TPR: variants seen among roughly 807,000 people sequenced by gnomAD.
TPR encodes the protein translocated promoter region, nuclear basket protein.
In TPR, 51 loss-of-function variants were observed where a neutral mutation model predicts 316.1. That is an observed-to-expected ratio of 0.16 (90% CI 0.13 to 0.20). TPR has a LOEUF of 0.20. Ranked by LOEUF, TPR falls within the 10% of genes least tolerant of loss-of-function variation. TPR has a pLI of 1.00. For synonymous variants in TPR, 981 were observed against 914.7 expected, an observed-to-expected ratio of 1.07 and a Z score of -1.31; for missense variants, 2,272 against 2,754.8, an observed-to-expected ratio of 0.82 and a Z score of 3.92.
At chr1:186,357,985 AC>A (rs1240302445) in intron 13 of TPR, among the ~76,000 whole-genome samples, 6 of 152,196 alleles carry the variant, frequency 3.9e-5, no homozygotes, top group African/African-American at 1.4e-4. Context: ...AGACATTTAA[AC>A]AAAAAGCATA....
At chr1:186,325,665 C>T (rs961997520) in intron 42 of TPR, 99 bp downstream of exon 42, 2 of 954,458 alleles carry the variant, frequency 2.1e-6, no homozygotes, top group African/African-American at 1.7e-5. Flanking sequence ...TCTCTTTTTA[C>T]CAATTCAATA....
chr1:186,341,338 T>C lies in TPR; in HGVS notation c.3802A>G (p.Thr1268Ala). The change falls in exon 28 of 51, where the codon ACA becomes GCA. Residue 1268 changes from threonine (T) to alanine (A), a missense_variant. Thr to Ala is a moderately conservative substitution (Grantham distance 58). Transcript: ENST00000367478. ...QHEELMKKTE[T>A]MNVVMETNKM... ...TTGGTCTCCATAACTACATTCATTG[T>C]TTCAGTTTTCTTCATCAGTTCTTCA... is the stretch of plus-strand genomic sequence containing the variant. 4 of 1,613,904 alleles carry C rather than the reference T, an allele frequency of 2.5e-6. No homozygotes were observed. The highest frequency in any genetic ancestry group is 3.4e-6 in the Non-Finnish European group (4 of 1,180,004).
intron 2 of TPR, among the ~76,000 whole-genome samples, chr1:186,371,961 A>G (rs1659542239): frequency 6.6e-6 from 1 of 152,140 alleles, no homozygotes; most frequent in Non-Finnish European, 1.5e-5. Flanking sequence ...AGCTGTATTC[A>G]GTCATTTTTC....
intron 40 of TPR, 90 bp from the exon 41 acceptor site, chr1:186,326,325 G>C: frequency 6.6e-7 from 1 of 1,518,060 alleles, no homozygotes; most frequent in South Asian, 1.2e-5. Flanking sequence ...AAATTTAAGT[G>C]ACTCATTAAT....
At chr1:186,318,695 C>CTGTTT (rs762103645) in intron 47 of TPR, 38 bp downstream of exon 47, 30 of 1,610,086 alleles carry the variant, frequency 1.9e-5, no homozygotes, top group Non-Finnish European at 2.5e-6. Flanking sequence ...TTCATTTTAC[C>CTGTTT]AATAAAACAG....
At chr1:186,373,534 ATTTC>A (rs1342767031) in intron 1 of TPR, 71 bp from the exon 2 acceptor site, 8 of 854,120 alleles carry the variant, frequency 9.4e-6, no homozygotes, top group African/African-American at 8.5e-5. Context: ...ACTGTTATTT[ATTTC>A]TAATAACCTT....
chr1:186,324,728 T>C (rs1036044999), intron 42 of TPR, among the ~76,000 whole-genome samples: 2 of 151,716 alleles, frequency 1.3e-5, no homozygotes, highest in East Asian at 3.9e-4. Flanking sequence ...TGTACTCAAA[T>C]CCATCCATTA....
At chr1:186,339,505 A>C (rs1658443359) in intron 30 of TPR, 137 bp downstream of exon 30, 1 of 549,940 alleles carries the variant, frequency 1.8e-6, no homozygotes, top group Non-Finnish European at 2.8e-6. Flanking sequence ...TCTACAAAGT[A>C]GATGGAAGTC....
intron 39 of TPR, 126 bp from the exon 40 acceptor site, chr1:186,327,786 TAA>T: frequency 1.2e-6 from 1 of 854,482 alleles, no homozygotes; most frequent in Non-Finnish European, 1.7e-6. Context: ...GCATTTAATT[TAA>T]TTTTTTTTTT....
At chr1:186,356,583 G>A in intron 14 of TPR, 134 bp from the exon 15 acceptor site, 2 of 842,342 alleles carry the variant, frequency 2.4e-6, no homozygotes, top group African/African-American at 1.7e-5. Context: ...TTTTTTTCAT[G>A]CTGAGTATTT....
intron 19 of TPR, 68 bp downstream of exon 19, chr1:186,351,908 G>C: frequency 6.6e-7 from 1 of 1,515,400 alleles, no homozygotes; most frequent in Non-Finnish European, 8.8e-7. Context: ...TAAGGAAATT[G>C]AGAGGATAAA....
At chr1:186,331,761 AG>A (rs1398077151) in intron 38 of TPR, among the ~76,000 whole-genome samples, 180 bp from the exon 39 acceptor site, 2 of 152,128 alleles carry the variant, frequency 1.3e-5, no homozygotes, top group Non-Finnish European at 2.9e-5. Context: ...ACACAAAGTA[AG>A]GTTTATGAAC....
At chr1:186,356,627 A>G (rs1659036738) in intron 14 of TPR, 178 bp from the exon 15 acceptor site, 1 of 571,292 alleles carries the variant, frequency 1.8e-6, no homozygotes, top group Admixed American at 3.2e-5. Flanking sequence ...ACCACACAGG[A>G]CTCAGGTACT....
chr1:186,345,743 C>T (rs754550167), intron 23 of TPR, 47 bp from the exon 24 acceptor site: 1 of 1,362,588 alleles, frequency 7.3e-7, no homozygotes, highest in Non-Finnish European at 1.0e-6. Flanking sequence ...TGCAAACTTA[C>T]TTGGAAAATA....
At chr1:186,351,853 C>A in intron 19 of TPR, 123 bp downstream of exon 19, 1 of 1,126,526 alleles carries the variant, frequency 8.9e-7, no homozygotes, top group Non-Finnish European at 1.2e-6. Flanking sequence ...CTGCAAAATT[C>A]AATGATCATA....
intron 37 of TPR, 21 bp from the exon 38 acceptor site, chr1:186,332,364 T>C: frequency 6.2e-7 from 1 of 1,609,670 alleles, no homozygotes; most frequent in African/African-American, 1.3e-5. Flanking sequence ...ATATAAATCT[T>C]GAATTAGAGC....
At chr1:186,324,877 C>A (rs1475805297) in intron 42 of TPR, among the ~76,000 whole-genome samples, 1 of 152,076 alleles carries the variant, frequency 6.6e-6, no homozygotes, top group Non-Finnish European at 1.5e-5. Flanking sequence ...TATATTTCAA[C>A]TACGTGATAC....
At position 186,371,934 on chromosome 1, in the gene TPR, C is replaced by G. The variant is rs148385530; in HGVS notation, c.257-891G>C. Among the ~76,000 whole-genome samples the G allele has an allele frequency of 1.5e-4, 23 of 152,270 alleles. No individual in the cohort carries two copies. The East Asian group carries it at 4.2e-3, about 28-fold the overall frequency. ...CTGTAGGTTCATCCCTTTTTCTCTT[C>G]TCCCAGATCTCGTAAAAGCTGTATT... On this transcript the variant is annotated intron_variant, in intron 2 of 50. Transcript: ENST00000367478.
chr1:186,327,916 G>A lies in TPR; in HGVS notation c.5689-256C>T, dbSNP rs1433975438. On this transcript the variant is annotated intron_variant, in intron 39 of 50. Coordinates refer to ENST00000367478, the MANE Select transcript of TPR (RefSeq NM_003292.3). Reference sequence around the variant, plus strand: ...TCCTGCCTCAGCCTCCTGAGTAGCTGGGACTATAGGCACCACCCCACGAAG... The same window carrying A: ...TCCTGCCTCAGCCTCCTGAGTAGCTAGGACTATAGGCACCACCCCACGAAG... Among the ~76,000 whole-genome samples, 3 of 151,904 alleles carry A rather than the reference G, an allele frequency of 2.0e-5. No homozygotes were observed. In the East Asian group the frequency reaches 5.8e-4, roughly 29 times the overall value.
Sources: gnomAD v4.1 joint callset for allele counts (sites outside exome capture counted in the v4.1 genomes callset) on GRCh38, gnomAD v4.1.1 for gene constraint, MANE v1.5 for transcripts, NCBI Gene and HGNC (gene_info 2026-07-23, HGNC 2026-07-21) for gene names.